Variants in SKIL observed in about 807,000 individuals in gnomAD.
The protein encoded by SKIL is SKI like proto-oncogene, also known as ski-like protein.
SKIL carries 20 observed loss-of-function variants against 69.6 expected under a neutral mutation model. That is an observed-to-expected ratio of 0.29 (90% CI 0.20 to 0.42). The LOEUF is 0.42. SKIL is among the 10% of genes least tolerant of loss of function. The pLI is 1.00. For synonymous variants in SKIL, 310 were observed against 279.9 expected, an observed-to-expected ratio of 1.11 and a Z score of -1.08; for missense variants, 745 against 783.1, an observed-to-expected ratio of 0.95 and a Z score of 0.58.
chr3:170,391,584 G>T (rs1577449934), intron 6 of SKIL, among the ~76,000 whole-genome samples: 1 of 152,090 alleles, frequency 6.6e-6, no homozygotes, highest in East Asian at 1.9e-4. Flanking sequence ...CTCCCAAAAT[G>T]CTGGGATTAC....
intron 4 of SKIL, among the ~76,000 whole-genome samples, chr3:170,387,767 A>AAAAAAAAAG (rs1187439082): frequency 7.5e-6 from 1 of 133,038 alleles, no homozygotes; most frequent in Non-Finnish European, 1.7e-5. Flanking sequence ...ACTAAAAAAA[A>AAAAAAAAAG]AAAAAAATAC....
Position 170,369,265 on chromosome 3 carries a change from T to G in SKIL, c.1098+7836T>G, listed in dbSNP as rs367703304. Among the ~76,000 whole-genome samples, 4 of 152,008 alleles carry G rather than the reference T, an allele frequency of 2.6e-5. No individual in the cohort carries two copies. In the East Asian group the frequency reaches 7.7e-4, roughly 29 times the overall value. ...GAAATGGGAAAAAACTTAGAAACTT[T>G]AAAGAAGAAAAACAAAAAAGAGATG... On this transcript the variant is annotated intron_variant, in intron 2 of 6. Transcript: ENST00000259119.
At chr3:170,390,618 C>T (rs368838347) in intron 5 of SKIL, among the ~76,000 whole-genome samples, 154 bp downstream of exon 5, 1 of 152,190 alleles carries the variant, frequency 6.6e-6, no homozygotes. Flanking sequence ...TTCCGAGTAG[C>T]TAGCATTACA....
chr3:170,377,815 A>G (rs1359363037), intron 2 of SKIL, among the ~76,000 whole-genome samples: 1 of 151,434 alleles, frequency 6.6e-6, no homozygotes, highest in Non-Finnish European at 1.5e-5. Flanking sequence ...TGGCCTCCCA[A>G]AGTGCTGGGA....
chr3:170,370,586 T>G (rs1173575414), intron 2 of SKIL, among the ~76,000 whole-genome samples: 3 of 151,942 alleles, frequency 2.0e-5, no homozygotes, highest in Non-Finnish European at 4.4e-5. Flanking sequence ...TTACCAGTGA[T>G]TCTCGAAGAG....
rs1252962675 is a variant in SKIL at position 170,382,050 on chromosome 3, C to T, written c.1196+709C>T. On this transcript the variant is annotated intron_variant, in intron 3 of 6. Transcript: ENST00000259119. Reference sequence around the variant, plus strand: ...TGAGCCGAGATCGCGTCATTGCACTCCAGCCTAGGCGACAGAGCAAAACTG... The same window carrying T: ...TGAGCCGAGATCGCGTCATTGCACTTCAGCCTAGGCGACAGAGCAAAACTG... 4.6e-5 allele frequency among the ~76,000 whole-genome samples: 7 copies of T among 151,772 alleles called. No homozygotes were observed. The East Asian group carries it at 1.4e-3, about 30-fold the overall frequency.
chr3:170,371,697 T>G (rs1326105011), intron 2 of SKIL, among the ~76,000 whole-genome samples: 1 of 152,190 alleles, frequency 6.6e-6, no homozygotes, highest in African/African-American at 2.4e-5. Flanking sequence ...TTGTCATTTC[T>G]CCCAGTGATC....
chr3:170,360,624 A>G lies in SKIL; in HGVS notation c.293A>G (p.Gln98Arg). Residue 98 changes from glutamine to arginine, a missense_variant, in exon 2 of 7, where the codon CAG (glutamine) becomes CGG (arginine). Coordinates refer to ENST00000259119, the MANE Select transcript of SKIL (RefSeq NM_005414.5). Reference protein sequence around the residue: ...HTLAQFHLSSQSSLGGPAAFS... With the variant: ...HTLAQFHLSSRSSLGGPAAFS... Reference sequence around the variant, plus strand: ...TTGGCACAATTCCATTTAAGTAGTCAGAGCTCGCTGGGTGGACCAGCAGCA... The same window carrying G: ...TTGGCACAATTCCATTTAAGTAGTCGGAGCTCGCTGGGTGGACCAGCAGCA... The G allele has an allele frequency of 6.2e-7, 1 of 1,614,238 alleles. No individual in the cohort carries two copies. The highest frequency in any genetic ancestry group is 8.5e-7 in the Non-Finnish European group (1 of 1,180,042).
intron 2 of SKIL, among the ~76,000 whole-genome samples, chr3:170,378,927 A>C (rs886606501): frequency 8.6e-5 from 13 of 151,572 alleles, no homozygotes; most frequent in African/African-American, 2.9e-4. Flanking sequence ...CCCAGGCTGG[A>C]GTGCGGTGGT....
rs1190248322 is a variant in SKIL at position 170,396,077 on chromosome 3, C to T, written c.*3660C>T. ...CTAAACTGTATAATGTAATTTGGAG[C>T]CTATTTAGTAATAGAATTAAATGTC... On this transcript the variant is annotated 3_prime_UTR_variant, in exon 7 of 7. Transcript: ENST00000259119. The T allele has an allele frequency of 1.4e-5, 2 of 147,700 alleles. No individual in the cohort carries two copies. Among genetic ancestry groups the T allele is most frequent in the Non-Finnish European group, 3.0e-5 (2 of 67,204 alleles). 9.1% of individuals were successfully genotyped at this position (147,700 alleles called of 1,614,324 possible).
intron 4 of SKIL, among the ~76,000 whole-genome samples, chr3:170,389,356 C>T (rs1409059819): frequency 6.6e-6 from 1 of 150,434 alleles, no homozygotes; most frequent in African/African-American, 2.4e-5. Flanking sequence ...CTCTGTTGCC[C>T]AGGCTGGAGT....
chr3:170,389,019 G>A (rs1045080055), intron 4 of SKIL, among the ~76,000 whole-genome samples: 7 of 151,756 alleles, frequency 4.6e-5, no homozygotes, highest in East Asian at 3.9e-4. Context: ...ACAGGTGCGC[G>A]CCACCATGCC....
intron 2 of SKIL, among the ~76,000 whole-genome samples, chr3:170,364,552 C>T (rs557079782): frequency 1.3e-5 from 2 of 151,068 alleles, no homozygotes; most frequent in African/African-American, 2.4e-5. Context: ...TAACTCCTGA[C>T]CTGAGGTGAT....
intron 4 of SKIL, among the ~76,000 whole-genome samples, chr3:170,388,732 G>T (rs946601064): frequency 3.9e-5 from 6 of 151,942 alleles, no homozygotes; most frequent in Non-Finnish European, 2.9e-5. Context: ...GCTTGGCCGT[G>T]TTAGTGTTCT....
intron 2 of SKIL, among the ~76,000 whole-genome samples, chr3:170,369,082 A>ATTTTTTTTTTTTTTTTTTTTTTTTTTTT (rs55652320): frequency 7.9e-6 from 1 of 126,776 alleles, no homozygotes; most frequent in Non-Finnish European, 1.7e-5. Flanking sequence ...TATCCCTGGC[A>ATTTTTTTTTTTTTTTTTTTTTTTTTTTT]TTTTTTTTTT....
intron 2 of SKIL, among the ~76,000 whole-genome samples, chr3:170,365,388 G>A (rs1736447302): frequency 4.6e-5 from 7 of 152,100 alleles, no homozygotes; most frequent in Admixed American, 4.6e-4. Flanking sequence ...TGCTCTAAAG[G>A]CCAAAACTTT....
intron 2 of SKIL, among the ~76,000 whole-genome samples, chr3:170,368,298 A>G (rs1344221961): frequency 4.6e-5 from 7 of 152,230 alleles, no homozygotes; most frequent in Non-Finnish European, 1.0e-4. Context: ...ACTTTTGTCT[A>G]ACTTTCTAAA....
intron 1 of SKIL, among the ~76,000 whole-genome samples, chr3:170,359,068 T>C (rs1200213120): frequency 6.6e-6 from 1 of 152,216 alleles, no homozygotes; most frequent in Non-Finnish European, 1.5e-5. Flanking sequence ...TGGATTTTTT[T>C]CCCTCCCTTA....
At position 170,367,137 on chromosome 3, in the gene SKIL, C is replaced by G. The variant is rs191225710; in HGVS notation, c.1098+5708C>G. On this transcript the variant is annotated intron_variant, in intron 2 of 6. Transcript: ENST00000259119. Reference sequence around the variant, plus strand: ...TGTTTGTTTTTTTTGAGACGAGAGTCTCGCTCTGTTGACCAGGCTGGAGTG... The same window carrying G: ...TGTTTGTTTTTTTTGAGACGAGAGTGTCGCTCTGTTGACCAGGCTGGAGTG... Among the ~76,000 whole-genome samples the G allele has an allele frequency of 2.6e-4, 39 of 152,194 alleles. No individual in the cohort carries two copies. In the East Asian group the frequency reaches 6.8e-3, roughly 26 times the overall value.
Sources: gnomAD v4.1 joint callset for allele counts (sites outside exome capture counted in the v4.1 genomes callset) on GRCh38, gnomAD v4.1.1 for gene constraint, MANE v1.5 for transcripts, NCBI Gene and HGNC (gene_info 2026-07-23, HGNC 2026-07-21) for gene names.